The following PCDH19 variants were observed in gnomAD, a reference collection of about 807,000 sequenced individuals.
PCDH19 encodes the protein protocadherin 19.
Under a neutral mutation model 46.2 loss-of-function variants are expected in PCDH19, and 6 were observed. The ratio of observed to expected loss-of-function variants is 0.13; its 90% CI spans 0.07 to 0.26. The LOEUF (loss-of-function observed/expected upper bound fraction) is 0.26. PCDH19 is among the 10% of genes least tolerant of loss of function. The pLI is 1.00. For synonymous variants in PCDH19, 481 were observed against 415.7 expected (o/e 1.16, Z -1.91); for missense variants, 740 against 972.3 (o/e 0.76, Z 3.18).
At chrX:100,332,514 CAAA>C (rs749901973) in intron 5 of PCDH19, among the ~76,000 whole-genome samples, 1 of 48,858 alleles carries the variant, frequency 2.0e-5, no homozygotes, top group Admixed American at 2.6e-4. Flanking sequence ...AACCCCGTCT[CAAA>C]AAAAAAAAAA....
chrX:100,407,563 G>A lies in PCDH19; in HGVS notation c.1035C>T (p.Val345=), dbSNP rs749473100. Residue 345 remains valine, a synonymous_variant, in exon 1 of 6, where the codon GTC becomes GTT. Transcript: ENST00000373034. The part of the protein sequence containing the change: ...SVLDTNDNPP[V]INLLSVNSEL... ...CACTGTTGACTGACAGCAGGTTGAT[G>A]ACCGGCGGATTGTCATTGGTGTCCA... 8.3e-7 allele frequency: 1 copy of A among 1,211,336 alleles called. No individual in the cohort carries two copies. Among genetic ancestry groups the A allele is most frequent in the South Asian group, 1.8e-5 (1 of 56,988 alleles).
intron 5 of PCDH19, among the ~76,000 whole-genome samples, chrX:100,325,552 T>C (rs1052674091): frequency 1.3e-4 from 14 of 110,544 alleles, no homozygotes; most frequent in Non-Finnish European, 2.7e-4. Context: ...GTATTTTTAG[T>C]AGAGATGGGG....
chrX:100,329,287 C>T (rs1332623575), intron 5 of PCDH19, among the ~76,000 whole-genome samples: 4 of 112,271 alleles, frequency 3.6e-5, no homozygotes, highest in Non-Finnish European at 7.5e-5. Context: ...AGGTCTGGCT[C>T]TAGGTCGTTA....
intron 5 of PCDH19, among the ~76,000 whole-genome samples, chrX:100,338,392 C>G (rs1368638870): frequency 2.0e-5 from 2 of 101,200 alleles, no homozygotes; most frequent in Non-Finnish European, 4.0e-5. Flanking sequence ...AGTGGTAGTG[C>G]GCATCTGTAG....
rs1052584881 is a variant in PCDH19 at position 100,292,053 on chromosome X, G to A, written c.*4224C>T. On this transcript the variant is annotated 3_prime_UTR_variant, in exon 6 of 6. Coordinates refer to ENST00000373034, the MANE Select transcript of PCDH19 (RefSeq NM_001184880.2). Reference sequence around the variant, plus strand: ...TTCCCCTCACTAGAGGAGCGAAGGCGTAAGCCTATTGCAACTAATACCTTA... The same window carrying A: ...TTCCCCTCACTAGAGGAGCGAAGGCATAAGCCTATTGCAACTAATACCTTA... 6.2e-5 allele frequency: 7 copies of A among 113,416 alleles called. No individual in the cohort carries two copies. The highest frequency in any genetic ancestry group is 9.3e-5 in the Admixed American group (1 of 10,793). 9.3% of individuals were successfully genotyped at this position (113,416 alleles called of 1,213,427 possible).
In PCDH19 at chrX:100,407,135, A is replaced by G; in HGVS notation, c.1463T>C (p.Val488Ala). Residue 488 changes from valine to alanine, a missense_variant, in exon 1 of 6, where the codon GTC (valine) becomes GCC (alanine). Val to Ala is a moderately conservative substitution (Grantham distance 64). This residue lies in a region of PCDH19 where 186 missense variants were observed against 319.9 expected (regional missense o/e 0.58). Transcript: ENST00000373034. Reference protein sequence around the residue: ...RDPDLGLNGSVSYQIVPSQVR... With the variant: ...RDPDLGLNGSASYQIVPSQVR... ...CTGCGACGGCACGATCTGGTAGGAG[A>G]CACTGCCGTTGAGACCCAGGTCGGG... The G allele has an allele frequency of 8.3e-7, 1 of 1,211,806 alleles. No individual in the cohort carries two copies. The highest frequency in any genetic ancestry group is 1.1e-6 in the Non-Finnish European group (1 of 895,467).
intron 3 of PCDH19, among the ~76,000 whole-genome samples, chrX:100,393,671 T>C (rs1434690570): frequency 9.0e-6 from 1 of 110,969 alleles, no homozygotes; most frequent in African/African-American, 3.3e-5. Flanking sequence ...GAAATCAGAT[T>C]TGGGAGCGAA....
chrX:100,334,409 C>G (rs1472823459), intron 5 of PCDH19, among the ~76,000 whole-genome samples: 7 of 112,025 alleles, frequency 6.2e-5, no homozygotes, highest in African/African-American at 2.3e-4. Flanking sequence ...TCTTCATACT[C>G]TTGCAAATAT....
intron 2 of PCDH19, among the ~76,000 whole-genome samples, 162 bp downstream of exon 2, chrX:100,403,362 G>A (rs912472510): frequency 2.0e-4 from 22 of 107,735 alleles, no homozygotes; most frequent in Non-Finnish European, 5.7e-5. Flanking sequence ...CACTCGATCA[G>A]TTTTGGACTG....
At chrX:100,390,941 A>G (rs894563113) in intron 3 of PCDH19, among the ~76,000 whole-genome samples, 2 of 112,133 alleles carry the variant, frequency 1.8e-5, no homozygotes, top group Non-Finnish European at 3.8e-5. Flanking sequence ...TATATTGTTA[A>G]GCATGAATAG....
chrX:100,392,842 T>C (rs1358782606), intron 3 of PCDH19, among the ~76,000 whole-genome samples: 1 of 111,675 alleles, frequency 9.0e-6, no homozygotes, highest in Non-Finnish European at 1.9e-5. Context: ...CATTTTTAGT[T>C]ATAAAAAAGC....
intron 3 of PCDH19, among the ~76,000 whole-genome samples, chrX:100,402,063 A>G (rs1928199356): frequency 8.9e-6 from 1 of 112,208 alleles, no homozygotes; most frequent in Non-Finnish European, 1.9e-5. Context: ...GAGAACAGTG[A>G]TGTGACGAAA....
At chrX:100,393,509 C>T (rs894774894) in intron 3 of PCDH19, among the ~76,000 whole-genome samples, 1 of 106,544 alleles carries the variant, frequency 9.4e-6, no homozygotes, top group Non-Finnish European at 1.9e-5. Flanking sequence ...CACACACACA[C>T]ACACACACAC....
intron 5 of PCDH19, among the ~76,000 whole-genome samples, chrX:100,327,766 C>A (rs954847180): frequency 2.7e-5 from 3 of 111,934 alleles, no homozygotes; most frequent in Admixed American, 9.5e-5. Flanking sequence ...TTGATCCTCA[C>A]TATAGATGGC....
chrX:100,315,680 G>A (rs905724457), intron 5 of PCDH19, among the ~76,000 whole-genome samples: 4 of 112,704 alleles, frequency 3.5e-5, no homozygotes, highest in Non-Finnish European at 5.6e-5. Flanking sequence ...AATAGCTTAA[G>A]TGTAAGTGAT....
chrX:100,296,858 G>T lies in PCDH19; in HGVS notation c.2866C>A (p.His956Asn), dbSNP rs1329765561. The T allele has an allele frequency of 8.3e-7, 1 of 1,206,782 alleles. No homozygotes were observed. The highest frequency in any genetic ancestry group is 1.1e-6 in the Non-Finnish European group (1 of 891,135). The change falls in exon 6 of 6, where the codon CAT (histidine) becomes AAT (asparagine). Residue 956 changes from histidine to asparagine, a missense_variant. By Grantham distance (68) the His-to-Asn change is moderately conservative (BLOSUM62 1). This residue lies in a region of PCDH19 where 416 missense variants were observed against 476.8 expected (regional missense o/e 0.87). Transcript: ENST00000373034. ...AGAATCCGGCATTCTTCCCGGCAATGAAATCCTTCATTCTGATCTGTTTGG... is the reference window on the plus strand; with the variant it reads ...AGAATCCGGCATTCTTCCCGGCAATTAAATCCTTCATTCTGATCTGTTTGG... ...MPDHDQNEGFHCREECRILGH... is the reference protein window; with the variant it reads ...MPDHDQNEGFNCREECRILGH...
intron 3 of PCDH19, among the ~76,000 whole-genome samples, chrX:100,397,245 T>C (rs1304528074): frequency 2.7e-5 from 3 of 112,227 alleles, no homozygotes; most frequent in Non-Finnish European, 5.6e-5. Context: ...ACTGATGTTT[T>C]ATTTTCATTA....
At chrX:100,338,513 C>T (rs1926164465) in intron 5 of PCDH19, among the ~76,000 whole-genome samples, 1 of 70,141 alleles carries the variant, frequency 1.4e-5, no homozygotes, top group Admixed American at 1.8e-4. Context: ...CAGAGTGAGA[C>T]TCTGTCTCAA....
chrX:100,361,290 G>C (rs1016397491), intron 3 of PCDH19, among the ~76,000 whole-genome samples: 3 of 112,032 alleles, frequency 2.7e-5, no homozygotes, highest in Admixed American at 9.5e-5. Context: ...AAACACAATA[G>C]TCATTTTGCA....
Sources: allele counts gnomAD v4.1 joint callset (sites outside exome capture counted in the v4.1 genomes callset), GRCh38; gene constraint gnomAD v4.1.1; regional missense constraint gnomAD v4.1.1; transcripts MANE v1.5; gene names NCBI Gene and HGNC (gene_info 2026-07-23, HGNC 2026-07-21).